SRBD1: variants seen among roughly 807,000 people sequenced by gnomAD.
SRBD1 encodes the protein S1 RNA-binding domain-containing protein 1.
SRBD1 carries 88 observed loss-of-function variants against 115.3 expected under a neutral mutation model. The ratio of observed to expected loss-of-function variants is 0.76; its 90% CI spans 0.64 to 0.91. The LOEUF (loss-of-function observed/expected upper bound fraction) is 0.91, where lower values mean the gene tolerates loss of function less well. Ranked by LOEUF, SRBD1 falls within the 40% of genes least tolerant of loss-of-function variation. SRBD1 has a pLI of 0.00. For synonymous variants in SRBD1, 509 were observed against 407.7 expected, an observed-to-expected ratio of 1.25 and a Z score of -2.99; for missense variants, 1,385 against 1,177.4, an observed-to-expected ratio of 1.18 and a Z score of -2.58.
chr2:45,527,734 G>A (rs1464575693), intron 14 of SRBD1, among the ~76,000 whole-genome samples: 2 of 151,896 alleles, frequency 1.3e-5, no homozygotes, highest in Non-Finnish European at 2.9e-5. Flanking sequence ...GACACAGGGA[G>A]ATTAAGTAAC....
chr2:45,486,924 C>T (rs2103850148), intron 15 of SRBD1, among the ~76,000 whole-genome samples: 1 of 151,844 alleles, frequency 6.6e-6, no homozygotes, highest in South Asian at 2.1e-4. Flanking sequence ...TATTTCTATT[C>T]CTTCTGCCAT....
chr2:45,485,516 G>C (rs944619549), intron 15 of SRBD1, among the ~76,000 whole-genome samples: 1 of 152,182 alleles, frequency 6.6e-6, no homozygotes, highest in Admixed American at 6.5e-5. Context: ...ATCCATAATA[G>C]ACAGTTTAAT....
At chr2:45,445,214 G>GA (rs1668785086) in intron 16 of SRBD1, among the ~76,000 whole-genome samples, 1 of 152,032 alleles carries the variant, frequency 6.6e-6, no homozygotes, top group Non-Finnish European at 1.5e-5. Flanking sequence ...GGACTCAGCT[G>GA]AAAAAAGATT....
At chr2:45,516,547 C>CA (rs1671124452) in intron 14 of SRBD1, among the ~76,000 whole-genome samples, 1 of 152,194 alleles carries the variant, frequency 6.6e-6, no homozygotes, top group East Asian at 1.9e-4. Context: ...TAGTGTTCAC[C>CA]AATACAATAA....
At chr2:45,578,757 A>G (rs1673254470) in intron 7 of SRBD1, among the ~76,000 whole-genome samples, 1 of 152,202 alleles carries the variant, frequency 6.6e-6, no homozygotes, top group African/African-American at 2.4e-5. Flanking sequence ...ATAGGCTGAA[A>G]AAGACTAGAG....
intron 9 of SRBD1, 85 bp from the exon 10 acceptor site, chr2:45,562,841 A>ATT (rs1672715359): frequency 2.5e-6 from 2 of 798,070 alleles, no homozygotes; most frequent in Non-Finnish European, 3.9e-6. Flanking sequence ...AGCTATATGA[A>ATT]TTTTTTACTC....
chr2:45,492,532 G>A (rs1047057423), intron 14 of SRBD1, among the ~76,000 whole-genome samples: 15 of 151,986 alleles, frequency 9.9e-5, no homozygotes, highest in East Asian at 5.8e-4. Context: ...TCCACCTCCC[G>A]GGTTCACACC....
intron 7 of SRBD1, among the ~76,000 whole-genome samples, chr2:45,576,723 C>T (rs1331777412): frequency 6.6e-6 from 1 of 152,150 alleles, no homozygotes; most frequent in Non-Finnish European, 1.5e-5. Context: ...GAACTAATTC[C>T]TGGAGTTCCA....
intron 16 of SRBD1, among the ~76,000 whole-genome samples, chr2:45,450,425 C>A (rs1159041240): frequency 6.6e-6 from 1 of 152,076 alleles, no homozygotes; most frequent in East Asian, 1.9e-4. Context: ...CTATTTTTCA[C>A]ATAATGAATC....
At chr2:45,584,460 C>A (rs1282340422) in intron 5 of SRBD1, among the ~76,000 whole-genome samples, 1 of 152,162 alleles carries the variant, frequency 6.6e-6, no homozygotes, top group Admixed American at 6.5e-5. Context: ...TTTAATTCTC[C>A]TGACACTAAA....
At chr2:45,461,983 A>G (rs1052181921) in intron 16 of SRBD1, among the ~76,000 whole-genome samples, 2 of 152,134 alleles carry the variant, frequency 1.3e-5, no homozygotes, top group Non-Finnish European at 2.9e-5. Context: ...TCATTTACTA[A>G]GTTTTTATTT....
intron 14 of SRBD1, among the ~76,000 whole-genome samples, chr2:45,489,940 G>A (rs1670243155): frequency 6.6e-6 from 1 of 152,088 alleles, no homozygotes; most frequent in Non-Finnish European, 1.5e-5. Flanking sequence ...AGAAGAACTC[G>A]TATCTCTCTT....
At chr2:45,564,482 T>A (rs1672765346) in intron 9 of SRBD1, among the ~76,000 whole-genome samples, 1 of 152,208 alleles carries the variant, frequency 6.6e-6, no homozygotes, top group African/African-American at 2.4e-5. Flanking sequence ...GCAGCTAACA[T>A]GATCTTATAT....
At chr2:45,396,918 C>T (rs1204555373) in intron 19 of SRBD1, among the ~76,000 whole-genome samples, 1 of 152,100 alleles carries the variant, frequency 6.6e-6, no homozygotes, top group Non-Finnish European at 1.5e-5. Flanking sequence ...AATATTAGTA[C>T]GTGCTTTGTG....
intron 16 of SRBD1, among the ~76,000 whole-genome samples, chr2:45,444,295 C>T (rs1258547946): frequency 6.6e-6 from 1 of 152,080 alleles, no homozygotes; most frequent in Non-Finnish European, 1.5e-5. Context: ...GTCCTAGCTA[C>T]TCAGGAGACT....
Position 45,459,124 on chromosome 2 carries a change from C to T in SRBD1, c.2049+17869G>A, listed in dbSNP as rs1669238901. 2.6e-5 allele frequency among the ~76,000 whole-genome samples: 4 copies of T among 152,090 alleles called. No individual in the cohort carries two copies. In the South Asian group the frequency reaches 8.3e-4, roughly 32 times the overall value. On this transcript the variant is annotated intron_variant, in intron 16 of 20. Transcript: ENST00000263736. ...AGCATTCTACCCTCTTCCACTCCCA[C>T]CTCCAAAATACTGAGTCAATTTAGA...
rs1050800631 is a variant in SRBD1 at position 45,546,790 on chromosome 2, C to T, written c.1816G>A (p.Ala606Thr). ...GNGTACRETE[A>T]YFADLIMKNY... Reference sequence around the variant, plus strand: ...TTCATTATCAGGTCAGCAAAGTAAGCTTCTGTTTCCCTGCAGGCAGTTCCA... The same window carrying T: ...TTCATTATCAGGTCAGCAAAGTAAGTTTCTGTTTCCCTGCAGGCAGTTCCA... Residue 606 changes from alanine (A) to threonine (T), a missense_variant, in exon 14 of 21, where the codon GCT (alanine) becomes ACT (threonine). Physicochemically the swap from Ala to Thr is moderately conservative, Grantham distance 58. Transcript: ENST00000263736. The T allele has an allele frequency of 6.2e-7, 1 of 1,614,146 alleles. No homozygotes were observed. The highest frequency in any genetic ancestry group is 8.5e-7 in the Non-Finnish European group (1 of 1,180,008).
intron 14 of SRBD1, among the ~76,000 whole-genome samples, chr2:45,516,159 T>C (rs1005435945): frequency 2.6e-5 from 4 of 152,224 alleles, no homozygotes; most frequent in Admixed American, 1.3e-4. Flanking sequence ...ACACTAAATA[T>C]ATGAATTGTA....
At chr2:45,486,122 T>C (rs141205695) in intron 15 of SRBD1, among the ~76,000 whole-genome samples, 2 of 152,344 alleles carry the variant, frequency 1.3e-5, no homozygotes. Context: ...TAGAATCTTG[T>C]TGGAATGTTG....
Sources: allele counts gnomAD v4.1 joint callset (sites outside exome capture counted in the v4.1 genomes callset), GRCh38; gene constraint gnomAD v4.1.1; transcripts MANE v1.5; gene names NCBI Gene and HGNC (gene_info 2026-07-23, HGNC 2026-07-21).